The following HACD2 variants were observed in gnomAD, a reference collection of about 807,000 sequenced individuals.
The protein encoded by HACD2 is 3-hydroxyacyl-CoA dehydratase 2.
HACD2 carries 15 observed loss-of-function variants against 31.0 expected under a neutral mutation model. The observed-to-expected ratio is 0.48, with a 90% CI of 0.32 to 0.75. The LOEUF is 0.75. Ranked by LOEUF, HACD2 falls within the 30% of genes least tolerant of loss-of-function variation. HACD2 has a pLI of 0.03. For missense variants in HACD2, 283 were observed against 313.0 expected (o/e 0.90, Z 0.72); for synonymous variants, 115 against 122.2 (o/e 0.94, Z 0.39).
intron 2 of HACD2, among the ~76,000 whole-genome samples, chr3:123,569,903 C>T (rs188637700): frequency 1.3e-3 from 181 of 142,900 alleles, no homozygotes; most frequent in African/African-American, 4.6e-3. Context: ...GCAGGAGAAT[C>T]GCTTGAACCC....
chr3:123,500,327 T>G (rs139605244), intron 6 of HACD2, among the ~76,000 whole-genome samples, 188 bp downstream of exon 6: 8 of 152,292 alleles, frequency 5.3e-5, no homozygotes, highest in African/African-American at 1.7e-4. Context: ...TTGAGAAGGG[T>G]TCATCTTTAT....
chr3:123,538,501 C>G (rs563716649), intron 3 of HACD2, among the ~76,000 whole-genome samples: 2 of 152,262 alleles, frequency 1.3e-5, no homozygotes, highest in East Asian at 3.9e-4. Context: ...CAGGTGTCAT[C>G]ATTGGTAAGA....
At chr3:123,572,317 G>A (rs774734816) in intron 2 of HACD2, among the ~76,000 whole-genome samples, 3 of 152,132 alleles carry the variant, frequency 2.0e-5, no homozygotes, top group South Asian at 2.1e-4. Flanking sequence ...ACCAGCCTGC[G>A]CAACACAGTG....
chr3:123,515,559 G>C (rs1427503645), intron 4 of HACD2, among the ~76,000 whole-genome samples: 1 of 152,024 alleles, frequency 6.6e-6, no homozygotes, highest in Admixed American at 6.6e-5. Flanking sequence ...GTCAGCTGAG[G>C]GCTTGGGCTC....
Position 123,531,406 on chromosome 3 carries a change from G to A in HACD2, c.293-2932C>T, listed in dbSNP as rs146835247. Among the ~76,000 whole-genome samples the A allele has an allele frequency of 4.3e-3, 651 of 151,936 alleles. 4 individuals are homozygous for A. Among genetic ancestry groups the A allele is most frequent in the African/African-American group, 0.015 (604 of 41,450 alleles). ...ACAATCTTGGCTCACTGCAACCTCCGCCTCCCAGGTTCAAGTGATTCTTGT... is the reference window on the plus strand; with the variant it reads ...ACAATCTTGGCTCACTGCAACCTCCACCTCCCAGGTTCAAGTGATTCTTGT... On this transcript the variant is annotated intron_variant, in intron 3 of 6. Transcript: ENST00000383657.
intron 3 of HACD2, among the ~76,000 whole-genome samples, chr3:123,548,325 G>A (rs773671168): frequency 2.0e-5 from 3 of 151,960 alleles, no homozygotes; most frequent in Admixed American, 6.6e-5. Flanking sequence ...ATGTCACAAG[G>A]GACATTCTAG....
chr3:123,524,816 GGCAGCTCTGAT>G (rs2056258960), intron 4 of HACD2, among the ~76,000 whole-genome samples: 1 of 152,010 alleles, frequency 6.6e-6, no homozygotes, highest in African/African-American at 2.4e-5. Context: ...GTGAGAAGGT[GGCAGCTCTGAT>G]GCAGCAGAAA....
At chr3:123,558,163 G>A (rs565965160) in intron 3 of HACD2, among the ~76,000 whole-genome samples, 2 of 152,178 alleles carry the variant, frequency 1.3e-5, no homozygotes, top group Non-Finnish European at 2.9e-5. Flanking sequence ...CTAAGTCAAA[G>A]AAGTCGGTCT....
intron 2 of HACD2, among the ~76,000 whole-genome samples, chr3:123,571,258 C>A (rs1422475232): frequency 6.6e-6 from 1 of 152,168 alleles, no homozygotes; most frequent in South Asian, 2.1e-4. Flanking sequence ...ATTCTTAAGG[C>A]GATCCCCCAC....
At chr3:123,522,093 G>T (rs752788674) in intron 4 of HACD2, among the ~76,000 whole-genome samples, 2 of 152,064 alleles carry the variant, frequency 1.3e-5, no homozygotes, top group Non-Finnish European at 2.9e-5. Flanking sequence ...ATTGTGTGAG[G>T]CCAGGAATTG....
chr3:123,569,293 C>A lies in HACD2; in HGVS notation c.274-1513G>T, dbSNP rs2056827488. Among the ~76,000 whole-genome samples the A allele has an allele frequency of 2.6e-5, 4 of 152,152 alleles. No individual in the cohort carries two copies. In the South Asian group the frequency reaches 8.3e-4, roughly 31 times the overall value. On this transcript the variant is annotated intron_variant, in intron 2 of 6. Transcript: ENST00000383657. The stretch of plus-strand genomic sequence containing the variant: ...AGTTCAGGAGAACTAAAAGACAGAT[C>A]TAGATCAAAATGGGGAATGAAAAAC...
At chr3:123,566,391 C>A (rs1033433635) in intron 3 of HACD2, among the ~76,000 whole-genome samples, 1 of 151,996 alleles carries the variant, frequency 6.6e-6, no homozygotes, top group Non-Finnish European at 1.5e-5. Context: ...CTCAAGCCAT[C>A]CTCCCACCTC....
At chr3:123,579,681 C>T (rs760878543) in intron 2 of HACD2, among the ~76,000 whole-genome samples, 40 of 152,084 alleles carry the variant, frequency 2.6e-4, no homozygotes, top group Non-Finnish European at 5.0e-4. Context: ...ATGGGGACAA[C>T]CCCCTACTAT....
intron 3 of HACD2, among the ~76,000 whole-genome samples, chr3:123,531,943 T>TA (rs869246689): frequency 7.9e-5 from 12 of 152,072 alleles, no homozygotes; most frequent in African/African-American, 2.7e-4. Flanking sequence ...GACCTTTTTT[T>TA]AAAAAAAGGA....
chr3:123,533,230 C>A (rs969633399), intron 3 of HACD2, among the ~76,000 whole-genome samples: 2 of 143,298 alleles, frequency 1.4e-5, no homozygotes, highest in African/African-American at 5.1e-5. Context: ...CTCACTGCAG[C>A]CTCAACCTCC....
chr3:123,578,338 A>G (rs1392165127), intron 2 of HACD2, among the ~76,000 whole-genome samples: 2 of 152,096 alleles, frequency 1.3e-5, no homozygotes, highest in Non-Finnish European at 2.9e-5. Context: ...TGGCACGATC[A>G]TGGCTCACTG....
rs1576254424 is a variant in HACD2 at position 123,584,778 on chromosome 3, C to T, written c.155+95G>A. The stretch of plus-strand genomic sequence containing the variant: ...CCCCCCGCCGGGAATGCACTGCCTG[C>T]GGCGGGCCGCGCCGATCCTATCCGC... On this transcript the variant is annotated intron_variant, in intron 1 of 6. Transcript: ENST00000383657. 14 of 1,023,386 alleles carry T rather than the reference C, an allele frequency of 1.4e-5. No individual in the cohort carries two copies. The East Asian group carries it at 2.9e-4, about 21-fold the overall frequency. The allele number at this position is 1,023,386 out of a possible 1,614,324, so 63.4% of individuals were successfully genotyped here.
At chr3:123,567,951 T>C (rs537339512) in intron 2 of HACD2, among the ~76,000 whole-genome samples, 171 bp from the exon 3 acceptor site, 1 of 152,344 alleles carries the variant, frequency 6.6e-6, no homozygotes, top group South Asian at 2.1e-4. Flanking sequence ...TTTAACAAAA[T>C]GTAAATTCTT....
At position 123,536,024 on chromosome 3, in the gene HACD2, G is replaced by A. The variant is rs34903317; in HGVS notation, c.293-7550C>T. Among the ~76,000 whole-genome samples, 332 of 152,278 alleles carry A rather than the reference G, an allele frequency of 2.2e-3. 6 individuals are homozygous for A. Among genetic ancestry groups the A allele is most frequent in the Middle Eastern group, 0.017 (5 of 294 alleles). On this transcript the variant is annotated intron_variant, in intron 3 of 6. Transcript: ENST00000383657. ...ATATAAAGCAAATATGTAGGTGAAT[G>A]TATAAAGACATATTTATATACATTC... is the stretch of plus-strand genomic sequence containing the variant.
Sources: gnomAD v4.1 joint callset for allele counts (sites outside exome capture counted in the v4.1 genomes callset) on GRCh38, gnomAD v4.1.1 for gene constraint, MANE v1.5 for transcripts, NCBI Gene and HGNC (gene_info 2026-07-23, HGNC 2026-07-21) for gene names.